ADRA1A: variants seen among roughly 807,000 people sequenced by gnomAD.
The protein encoded by ADRA1A is adrenoceptor alpha 1A.
ADRA1A carries 31 observed loss-of-function variants against 29.6 expected under a neutral mutation model. The ratio of observed to expected loss-of-function variants is 1.05; its 90% CI spans 0.79 to 1.41. The LOEUF (loss-of-function observed/expected upper bound fraction) is 1.41, where lower values mean the gene tolerates loss of function less well. Among genes scored for constraint, ADRA1A ranks in the 40% most tolerant of loss-of-function variants. ADRA1A has a pLI of 0.00. For missense variants in ADRA1A, 619 were observed against 601.1 expected (o/e 1.03, Z -0.31); for synonymous variants, 311 against 254.3 (o/e 1.22, Z -2.12).
At chr8:26,781,583 G>C (rs1266134766) in intron 2 of ADRA1A, among the ~76,000 whole-genome samples, 3 of 152,230 alleles carry the variant, frequency 2.0e-5, no homozygotes, top group East Asian at 3.9e-4. Flanking sequence ...TCACATTTAT[G>C]TGAAAACAAG....
At chr8:26,755,423 C>T (rs1360731939), downstream of ADRA1A, among the ~76,000 whole-genome samples, 1 of 152,128 alleles carries the variant, frequency 6.6e-6, no homozygotes, top group Non-Finnish European at 1.5e-5. Context: ...TGTGGTTTGC[C>T]TGTGGGGACT....
In ADRA1A at chr8:26,859,138, C is replaced by T. The variant is rs61757001; in HGVS notation, c.883+4949G>A. 3,593 of 1,290,116 alleles carry T rather than the reference C, an allele frequency of 2.8e-3. 5 individuals carry two copies. The highest frequency in any genetic ancestry group is 3.4e-3 in the Non-Finnish European group (3,342 of 988,920). The allele number at this position is 1,290,116 out of a possible 1,614,324, so 79.9% of individuals were successfully genotyped here. On this transcript the variant is annotated intron_variant, in intron 2 of 2. Transcript: ENST00000380573. ...TTCAGTTTTTAATCTCTTTCCTCTC[C>T]CGCAGCCTAGTGCAGACCGACAGCC...
chr8:26,822,150 T>G (rs1810220092), intron 2 of ADRA1A, among the ~76,000 whole-genome samples: 2 of 152,224 alleles, frequency 1.3e-5, no homozygotes, highest in South Asian at 2.1e-4. Flanking sequence ...CATGTTCATA[T>G]TTTTAAGAAT....
At position 26,825,660 on chromosome 8, in the gene ADRA1A, G is replaced by C. The variant is rs1472131169; in HGVS notation, c.883+38427C>G. The stretch of plus-strand genomic sequence containing the variant: ...CTATGTCAGCCTTCACAGAGCAACT[G>C]TCATTCTTTAGGAAAAATCAAAATT... On this transcript the variant is annotated intron_variant, in intron 2 of 2. Coordinates refer to ENST00000380573, the MANE Select transcript of ADRA1A (RefSeq NM_000680.4). This position sits in a 1 kb window ranked among gnomAD's most constrained non-coding sequence, Gnocchi z 5.7. Among the ~76,000 whole-genome samples, 1 of 152,152 alleles carries C rather than the reference G, an allele frequency of 6.6e-6. No individual in the cohort carries two copies. Among genetic ancestry groups the C allele is most frequent in the Non-Finnish European group, 1.5e-5 (1 of 68,018 alleles).
intron 2 of ADRA1A, among the ~76,000 whole-genome samples, chr8:26,809,689 T>C (rs1387745411): frequency 6.6e-6 from 1 of 152,252 alleles, no homozygotes; most frequent in Non-Finnish European, 1.5e-5. Flanking sequence ...CTCCTACCTC[T>C]ACTATACACT....
Position 26,864,192 on chromosome 8 carries a change from T to A in ADRA1A, c.778A>T (p.Arg260Trp). The change falls in exon 2 of 3, where the codon AGG becomes TGG. Residue 260 changes from arginine to tryptophan, a missense_variant. By Grantham distance (101) the Arg-to-Trp change is moderately radical (BLOSUM62 -3). Transcript: ENST00000380573. This position sits in a 1 kb window ranked among gnomAD's most constrained non-coding sequence, Gnocchi z 8.1. ...SAKTKTHFSVRLLKFSREKKA... is the reference protein window; with the variant it reads ...SAKTKTHFSVWLLKFSREKKA... ...TTCTCCCGGGAGAACTTGAGGAGCCTCACTGAGAAGTGCGTCTTGGTCTTG... is the reference window on the plus strand; with the variant it reads ...TTCTCCCGGGAGAACTTGAGGAGCCACACTGAGAAGTGCGTCTTGGTCTTG... The A allele has an allele frequency of 6.2e-7, 1 of 1,614,152 alleles. No homozygotes were observed. Among genetic ancestry groups the A allele is most frequent in the Non-Finnish European group, 8.5e-7 (1 of 1,180,032 alleles).
chr8:26,768,515 T>C (rs1174420640), downstream of ADRA1A, among the ~76,000 whole-genome samples: 1 of 152,186 alleles, frequency 6.6e-6, no homozygotes, highest in Non-Finnish European at 1.5e-5. Flanking sequence ...TCCGAAATGC[T>C]CTAAGATCCG....
chr8:26,794,023 T>C (rs562615033), intron 2 of ADRA1A, among the ~76,000 whole-genome samples: 9 of 152,040 alleles, frequency 5.9e-5, no homozygotes, highest in Non-Finnish European at 1.3e-4. Context: ...CACAGACTTG[T>C]ATCATTTAGA....
chr8:26,749,385 T>C (rs923103368), intron 2 of ADRA1A, among the ~76,000 whole-genome samples: 11 of 152,240 alleles, frequency 7.2e-5, no homozygotes, highest in African/African-American at 2.4e-4. Flanking sequence ...AATCCACATA[T>C]TTGCATGTTC....
rs1307526129 is a variant in ADRA1A, at chr8:26,769,954, G to T, written c.*195C>A. ...TGCTGTTCCGTATCATTCTGAACTG[G>T]TTGGTTGTGAGACACCCTCCCTCTT... On this transcript the variant is annotated 3_prime_UTR_variant, in exon 3 of 3. Transcript: ENST00000380573. 1 of 1,374,930 alleles carries T rather than the reference G, an allele frequency of 7.3e-7. No homozygotes were observed. Among genetic ancestry groups the T allele is most frequent in the Non-Finnish European group, 9.4e-7 (1 of 1,068,282 alleles). 85.2% of individuals were successfully genotyped at this position (1,374,930 alleles called of 1,614,324 possible).
intron 2 of ADRA1A, among the ~76,000 whole-genome samples, chr8:26,839,078 A>C (rs374016805): frequency 2.7e-4 from 41 of 152,324 alleles, no homozygotes; most frequent in African/African-American, 9.9e-4. Flanking sequence ...AGCATATGAT[A>C]TAATGATGGA....
rs1380748835 is a variant in ADRA1A at position 26,775,777 on chromosome 8, C to T, written c.884-5111G>A. Among the ~76,000 whole-genome samples the T allele has an allele frequency of 6.6e-6, 1 of 152,224 alleles. No individual in the cohort carries two copies. Among genetic ancestry groups the T allele is most frequent in the Non-Finnish European group, 1.5e-5 (1 of 68,048 alleles). ...CTGACCCTCTGGACACCCTGACCAA[C>T]TTACGCCGGTCAGACTGAGGTGGAT... On this transcript the variant is annotated intron_variant, in intron 2 of 2. Transcript: ENST00000380573. The surrounding 1 kb of genome is among the most constrained non-coding windows in gnomAD (Gnocchi z 4.1).
intron 2 of ADRA1A, chr8:26,858,953 G>A (rs1813242018): frequency 1.0e-6 from 1 of 961,748 alleles, no homozygotes; most frequent in African/African-American, 1.7e-5. Context: ...AGCCTTAGTG[G>A]AAAGAAGCTT....
chr8:26,775,191 C>A lies in ADRA1A; in HGVS notation c.884-4525G>T, dbSNP rs1479363018. 3.3e-5 allele frequency among the ~76,000 whole-genome samples: 5 copies of A among 152,214 alleles called. No individual in the cohort carries two copies. The highest frequency in any genetic ancestry group is 7.3e-5 in the Non-Finnish European group (5 of 68,038). On this transcript the variant is annotated intron_variant, in intron 2 of 2. Coordinates refer to ENST00000380573, the MANE Select transcript of ADRA1A (RefSeq NM_000680.4). The surrounding 1 kb of genome is among the most constrained non-coding windows in gnomAD (Gnocchi z 4.1). Reference sequence around the variant, plus strand: ...GCTGCATGAATGGCCGACCTTCTGACAGACGGATGGACTGACTGACTGAAT... The same window carrying A: ...GCTGCATGAATGGCCGACCTTCTGAAAGACGGATGGACTGACTGACTGAAT...
At chr8:26,751,836 C>G (rs1804936202), downstream of ADRA1A, among the ~76,000 whole-genome samples, 2 of 152,304 alleles carry the variant, frequency 1.3e-5, no homozygotes, top group Middle Eastern at 3.4e-3. Context: ...CTATTATTAT[C>G]TCGTTTTACA....
intron 2 of ADRA1A, among the ~76,000 whole-genome samples, chr8:26,809,616 A>G (rs1809244713): frequency 6.6e-6 from 1 of 152,220 alleles, no homozygotes; most frequent in African/African-American, 2.4e-5. Context: ...AAAGCACAAA[A>G]TCTTATAAAC....
At chr8:26,774,417 A>C (rs7818761) in intron 2 of ADRA1A, among the ~76,000 whole-genome samples, 83,694 of 152,150 alleles carry the variant, frequency 0.55, 24,727 homozygotes, top group East Asian at 0.9. Context: ...GCCTGTAATC[A>C]CTGCACTTTG....
At chr8:26,816,976 G>A (rs1043479795) in intron 2 of ADRA1A, among the ~76,000 whole-genome samples, 1 of 152,048 alleles carries the variant, frequency 6.6e-6, no homozygotes, top group Admixed American at 6.6e-5. Flanking sequence ...AAGGATTCTG[G>A]GGTTAAAGAT....
chr8:26,858,457 AT>A, intron 2 of ADRA1A, among the ~76,000 whole-genome samples: 1 of 152,306 alleles, frequency 6.6e-6, no homozygotes, highest in South Asian at 2.1e-4. Flanking sequence ...ATTTATTACC[AT>A]TTACTCTGAG....
Sources: gnomAD v4.1 joint callset for allele counts (sites outside exome capture counted in the v4.1 genomes callset) on GRCh38, gnomAD v4.1.1 for gene constraint, Gnocchi (gnomAD v3.1) non-coding constraint, MANE v1.5 for transcripts, NCBI Gene and HGNC (gene_info 2026-07-23, HGNC 2026-07-21) for gene names.